Variants in SMN1 observed in about 807,000 individuals in gnomAD.
SMN1 encodes survival motor neuron protein.
For missense variants in SMN1, 15 were observed against 17.1 expected, an observed-to-expected ratio of 0.88 and a Z score of 0.22; for synonymous variants, 3 against 5.1, an observed-to-expected ratio of 0.58 and a Z score of 0.56.
intron 8 of SMN1, chr5:70,952,234 T>C (rs1749788245): frequency 4.0e-6 from 6 of 1,485,956 alleles, no homozygotes; most frequent in Middle Eastern, 4.9e-4. Context: ...ACTTTCACAA[T>C]AAAGAGCTTT....
intron 7 of SMN1, among the ~76,000 whole-genome samples, chr5:70,951,236 GT>G (rs1382558707): frequency 6.6e-6 from 1 of 150,568 alleles, no homozygotes; most frequent in African/African-American, 2.4e-5. Context: ...TGGGACTACA[GT>G]GATAATGCCA....
chr5:70,954,847 C>T (rs1040045898), downstream of SMN1, among the ~76,000 whole-genome samples: 10 of 15,814 alleles, frequency 6.3e-4, 2 homozygotes, highest in Non-Finnish European at 1.1e-3. Flanking sequence ...AGCGAGACTC[C>T]GTCTCAAAAA....
intron 1 of SMN1, among the ~76,000 whole-genome samples, chr5:70,927,712 A>T (rs1749349794): frequency 1.1e-4 from 1 of 9,148 alleles, no homozygotes; most frequent in African/African-American, 7.5e-4. Context: ...CTGTAATCCC[A>T]GCACTTTGGG....
At chr5:70,951,372 C>G (rs1561502749) in intron 7 of SMN1, among the ~76,000 whole-genome samples, 1 of 151,888 alleles carries the variant, frequency 6.6e-6, no homozygotes, top group African/African-American at 2.4e-5. Context: ...CTCCTGGGTT[C>G]AAGTGATTCT....
chr5:70,951,130 A>G (rs370802795), intron 7 of SMN1, among the ~76,000 whole-genome samples: 11,844 of 150,718 alleles, frequency 0.079, 141 homozygotes, highest in African/African-American at 0.27. Context: ...GTCTCACTCT[A>G]TTGCTCAGGC....
At chr5:70,950,919 G>A (rs1372309035) in intron 7 of SMN1, among the ~76,000 whole-genome samples, 1 of 150,954 alleles carries the variant, frequency 6.6e-6, no homozygotes, top group African/African-American at 2.4e-5. Context: ...GATTATAGGC[G>A]TGAGCCACTG....
chr5:70,959,666 A>G, the SMN1 span, among the ~76,000 whole-genome samples: 1 of 26,926 alleles, frequency 3.7e-5, no homozygotes, highest in Admixed American at 5.0e-4. Flanking sequence ...TTTGATACGG[A>G]GTCTTGCTCT....
chr5:70,951,281 A>T (rs1461662409), intron 7 of SMN1, among the ~76,000 whole-genome samples: 3 of 146,086 alleles, frequency 2.1e-5, no homozygotes, highest in Admixed American at 6.9e-5. Flanking sequence ...TTATTTATTT[A>T]TTTTTTTTTG....
intron 7 of SMN1, among the ~76,000 whole-genome samples, chr5:70,950,404 C>T (rs1391190102): frequency 7.4e-5 from 11 of 147,764 alleles, no homozygotes; most frequent in Admixed American, 2.0e-4. Context: ...GCAACAAGAG[C>T]GAAACTCCGT....
intron 7 of SMN1, among the ~76,000 whole-genome samples, chr5:70,950,994 C>T (rs1341932960): frequency 1.3e-5 from 2 of 151,864 alleles, no homozygotes; most frequent in African/African-American, 4.8e-5. Flanking sequence ...GGCTGTTCTC[C>T]AAATCCGACC....
chr5:70,954,903 C>A (rs76649276), downstream of SMN1, among the ~76,000 whole-genome samples: 13,947 of 14,116 alleles, frequency 0.99, 6,897 homozygotes, highest in Middle Eastern at 1. Context: ...AAAAAAAAAA[C>A]AAAACACGTT....
chr5:70,950,158 C>T lies in SMN1; in HGVS notation c.835-1783C>T, dbSNP rs903765092. Among the ~76,000 whole-genome samples the T allele has an allele frequency of 1.5e-4, 22 of 149,952 alleles. 2 individuals are homozygous for T. The highest frequency in any genetic ancestry group is 2.7e-4 in the Non-Finnish European group (18 of 67,724). ...ATCAGCTGGGCGCAGTGGCTCACGC[C>T]GGTAATCCCAACACTTTGGGAGGCC... On this transcript the variant is annotated intron_variant, in intron 7 of 8. Coordinates refer to ENST00000380707, the MANE Select transcript of SMN1 (RefSeq NM_000344.4).
the SMN1 span, among the ~76,000 whole-genome samples, chr5:70,959,540 T>C: frequency 1.2e-4 from 13 of 105,978 alleles, no homozygotes; most frequent in Non-Finnish European, 2.4e-4. Context: ...GAGAGTTTAA[T>C]TTGTTTCTAA....
downstream of SMN1, among the ~76,000 whole-genome samples, chr5:70,955,274 A>G (rs1580897674): frequency 8.1e-6 from 1 of 123,770 alleles, no homozygotes; most frequent in Non-Finnish European, 1.7e-5. Context: ...GCTTCTGTAC[A>G]CTTTTTTTTT....
In SMN1 at chr5:70,943,883, G is replaced by A. The variant is rs1460505501; in HGVS notation, c.628-775G>A. Among the ~76,000 whole-genome samples, 3 of 139,652 alleles carry A rather than the reference G, an allele frequency of 2.1e-5. No homozygotes were observed. The East Asian group carries it at 6.1e-4, about 28-fold the overall frequency. The allele number at this position is 139,652 out of a possible 152,430, so 91.6% of individuals were successfully genotyped here. A position where few individuals can be genotyped will look rare whatever the true frequency, so the allele number is the denominator to read the frequency against. On this transcript the variant is annotated intron_variant, in intron 5 of 8. Coordinates refer to ENST00000380707, the MANE Select transcript of SMN1 (RefSeq NM_000344.4). Reference sequence around the variant, plus strand: ...AGCTCACTGCAACTTCCACCTCCTGGGTTCAAGTGATTCTCCTGCTTCAGC... The same window carrying A: ...AGCTCACTGCAACTTCCACCTCCTGAGTTCAAGTGATTCTCCTGCTTCAGC...
Position 70,951,895 on chromosome 5 carries a change from A to G in SMN1, c.835-46A>G, listed in dbSNP as rs182707989. The G allele has an allele frequency of 4.8e-5, 75 of 1,552,894 alleles. 1 individual carries two copies. The East Asian group carries it at 1.3e-3, about 26-fold the overall frequency. The stretch of plus-strand genomic sequence containing the variant: ...TAAAGCTATCTATATATAGCTATCT[A>G]TGTCTATATAGCTATTTTTTTTAAC... On this transcript the variant is annotated intron_variant, in intron 7 of 8. Transcript: ENST00000380707.
downstream of SMN1, among the ~76,000 whole-genome samples, chr5:70,957,395 T>A (rs1246101356): frequency 1.5e-5 from 2 of 131,100 alleles, no homozygotes; most frequent in East Asian, 2.4e-4. Flanking sequence ...GTCTTGTGCG[T>A]GTTTTCAAAG....
chr5:70,943,693 A>G (rs1156558772), intron 5 of SMN1, among the ~76,000 whole-genome samples: 6 of 115,936 alleles, frequency 5.2e-5, no homozygotes, highest in African/African-American at 1.7e-4. Context: ...GATTTTTATT[A>G]TAGGTTAGAT....
In SMN1 at chr5:70,946,513, C is replaced by CTTT. The variant is rs1233804907; in HGVS notation, c.834+357_834+359dup. 1.5e-3 allele frequency among the ~76,000 whole-genome samples: 5 copies of CTTT among 3,282 alleles called. 1 individual carries two copies. The highest frequency in any genetic ancestry group is 2.1e-3 in the Non-Finnish European group (5 of 2,352). The allele number at this position is 3,282 out of a possible 152,430, so 2.2% of individuals were successfully genotyped here. ...TTTTTCATAAATGAAAAATGAAATT[C>CTTT]TTTTTTTTTTTTTTTTTTTTTTGAG... is the stretch of plus-strand genomic sequence containing the variant. On this transcript the variant is annotated intron_variant, in intron 7 of 8. Coordinates refer to ENST00000380707, the MANE Select transcript of SMN1 (RefSeq NM_000344.4).
Sources: allele counts gnomAD v4.1 joint callset (sites outside exome capture counted in the v4.1 genomes callset), GRCh38; gene constraint gnomAD v4.1.1; transcripts MANE v1.5; gene names NCBI Gene and HGNC (gene_info 2026-07-23, HGNC 2026-07-21).